Variants in CBLC observed in about 807,000 individuals in gnomAD.
CBLC encodes the protein Cbl proto-oncogene C.
A neutral mutation model predicts 58.6 loss-of-function variants in CBLC; 46 were observed. The observed-to-expected ratio is 0.79, with a 90% CI of 0.62 to 1.00. The LOEUF is 1.00. CBLC is among the 50% of genes least tolerant of loss of function. The pLI, the probability that CBLC is intolerant of heterozygous loss-of-function variation, is 0.00. For synonymous variants in CBLC, 271 were observed against 264.2 expected, an observed-to-expected ratio of 1.03 and a Z score of -0.25; for missense variants, 655 against 625.8, an observed-to-expected ratio of 1.05 and a Z score of -0.50.
chr19:44,783,597 C>A (rs1024022611), intron 4 of CBLC, among the ~76,000 whole-genome samples: 3 of 152,070 alleles, frequency 2.0e-5, no homozygotes, highest in Admixed American at 2.0e-4. Flanking sequence ...ACAAGAATCA[C>A]TTGAACTCGA....
intron 5 of CBLC, among the ~76,000 whole-genome samples, chr19:44,785,920 G>A (rs920595920): frequency 1.3e-5 from 2 of 152,058 alleles, no homozygotes; most frequent in Non-Finnish European, 1.5e-5. Flanking sequence ...GGGTGACAGA[G>A]CGAGACTCCA....
At chr19:44,790,740 A>T (rs1488113440) in intron 6 of CBLC, among the ~76,000 whole-genome samples, 3 of 151,982 alleles carry the variant, frequency 2.0e-5, no homozygotes, top group African/African-American at 7.2e-5. Context: ...CTGGCCCTAA[A>T]TTTTTTTTAG....
At chr19:44,797,598 G>A (rs181444205) in intron 9 of CBLC, among the ~76,000 whole-genome samples, 1,522 of 119,652 alleles carry the variant, frequency 0.013, 46 homozygotes, top group African/African-American at 0.047. Flanking sequence ...TTAAGATGGG[G>A]TCTCTGTCTA....
At chr19:44,799,099 C>G (rs988132382) in intron 9 of CBLC, among the ~76,000 whole-genome samples, 3 of 152,146 alleles carry the variant, frequency 2.0e-5, no homozygotes, top group Non-Finnish European at 4.4e-5. Flanking sequence ...CACTGCGAGC[C>G]TCGGGTTCAG....
At chr19:44,791,240 C>T (rs1377106599) in intron 6 of CBLC, among the ~76,000 whole-genome samples, 1 of 145,072 alleles carries the variant, frequency 6.9e-6, no homozygotes, top group African/African-American at 2.6e-5. Flanking sequence ...TGGGAGTTGG[C>T]GGTTGCAGTA....
chr19:44,794,405 C>T, intron 9 of CBLC, 124 bp downstream of exon 9: 1 of 698,964 alleles, frequency 1.4e-6, no homozygotes, highest in South Asian at 2.0e-5. Context: ...TTCCAAGGCA[C>T]CCATCCCCTC....
intron 6 of CBLC, among the ~76,000 whole-genome samples, chr19:44,790,643 C>T (rs1352561474): frequency 6.6e-6 from 1 of 151,982 alleles, no homozygotes. Context: ...GCCATGTTGC[C>T]CAAGCTGGTT....
rs1466739372 is a variant in CBLC, at chr19:44,778,451, G to T, written c.353+167G>T. Among the ~76,000 whole-genome samples, 138 of 26,274 alleles carry T rather than the reference G, an allele frequency of 5.3e-3. 1 individual carries two copies. Among genetic ancestry groups the T allele is most frequent in the African/African-American group, 0.021 (45 of 2,128 alleles). The allele number at this position is 26,274 out of a possible 152,430, so 17.2% of individuals were successfully genotyped here. A position where few individuals can be genotyped will look rare whatever the true frequency, so the allele number is the denominator to read the frequency against. ...CTCAGACTCAGGGCTCCAGCCCCCA[G>T]CCCCTCCTCCCTCAGACCCAGGGGT... On this transcript the variant is annotated intron_variant, in intron 1 of 10. Coordinates refer to ENST00000647358, the MANE Select transcript of CBLC (RefSeq NM_012116.4).
intron 9 of CBLC, among the ~76,000 whole-genome samples, chr19:44,799,634 T>G (rs1033638013): frequency 1.3e-5 from 2 of 151,782 alleles, no homozygotes; most frequent in Non-Finnish European, 2.9e-5. Context: ...GCGTGGCCCC[T>G]GTTTTTTCGG....
chr19:44,793,342 TCTCTC>T lies in CBLC; in HGVS notation c.1138-129_1138-125del, dbSNP rs971759307. The T allele has an allele frequency of 9.0e-6, 9 of 1,002,988 alleles. No individual in the cohort carries two copies. In the African/African-American group the frequency reaches 1.5e-4, roughly 17 times the overall value. 62.1% of individuals were successfully genotyped at this position (1,002,988 alleles called of 1,614,324 possible). On this transcript the variant is annotated intron_variant, in intron 7 of 10. Transcript: ENST00000647358. Reference sequence around the variant, plus strand: ...ACATTCCTCTGCTCTCCACGACTCTTCTCTCCTTCCGTCTCCCTTCCTCTGTCTGT... The same window carrying T: ...ACATTCCTCTGCTCTCCACGACTCTTCTTCCGTCTCCCTTCCTCTGTCTGT...
At position 44,790,004 on chromosome 19, in the gene CBLC, C is replaced by G; in HGVS notation, c.918C>G (p.Phe306Leu). ...GTCCCCCTCTCTTCCCTTCCCCCAG[C>G]TACCTCTACCCAGATGGAAAGACCC... ...QVLLEGQKDG[F>L]YLYPDGKTHN... The change falls in exon 6 of 11, where the codon TTC becomes TTG. Residue 306 changes from phenylalanine to leucine, a missense_variant and splice_region_variant. Phe to Leu is a conservative substitution (Grantham distance 22, BLOSUM62 0). Coordinates refer to ENST00000647358, the MANE Select transcript of CBLC (RefSeq NM_012116.4). 1 of 1,612,030 alleles carries G rather than the reference C, an allele frequency of 6.2e-7. No individual in the cohort carries two copies. The highest frequency in any genetic ancestry group is 8.5e-7 in the Non-Finnish European group (1 of 1,178,174).
intron 6 of CBLC, among the ~76,000 whole-genome samples, chr19:44,791,975 G>A (rs1331267911): frequency 6.6e-6 from 1 of 151,252 alleles, no homozygotes; most frequent in East Asian, 1.9e-4. Context: ...AGATAGAGGA[G>A]GTGTGGGATT....
chr19:44,784,206 C>G (rs1463109470), intron 4 of CBLC, 58 bp from the exon 5 acceptor site: 1 of 1,473,882 alleles, frequency 6.8e-7, no homozygotes, highest in African/African-American at 1.4e-5. Flanking sequence ...ACTGGAAGTT[C>G]ACAAAAGGGA....
At chr19:44,778,329 G>T in intron 1 of CBLC, 45 bp downstream of exon 1, 1 of 1,364,738 alleles carries the variant, frequency 7.3e-7, no homozygotes, top group Non-Finnish European at 9.4e-7. Context: ...TGAGGCCCAG[G>T]TCTTGCTCCC....
chr19:44,798,475 C>T (rs985935996), intron 9 of CBLC, among the ~76,000 whole-genome samples: 4 of 151,904 alleles, frequency 2.6e-5, no homozygotes, highest in African/African-American at 4.8e-5. Context: ...TTTGGGAGGC[C>T]GAGGTGGGCA....
intron 6 of CBLC, 145 bp from the exon 7 acceptor site, chr19:44,792,238 C>T: frequency 2.6e-6 from 2 of 768,204 alleles, no homozygotes; most frequent in Non-Finnish European, 4.2e-6. Flanking sequence ...AGATGATCCC[C>T]CTGCCTCAGC....
intron 5 of CBLC, among the ~76,000 whole-genome samples, chr19:44,787,042 G>T (rs139653078): frequency 6.6e-6 from 1 of 152,054 alleles, no homozygotes; most frequent in African/African-American, 2.4e-5. Context: ...CCAAGATCAC[G>T]CCTCTGCATT....
In CBLC at chr19:44,794,200, C is replaced by CT. The variant is rs1968129928; in HGVS notation, c.1285-4_1285-3insT. 1 of 1,607,146 alleles carries CT rather than the reference C, an allele frequency of 6.2e-7. No homozygotes were observed. The highest frequency in any genetic ancestry group is 1.3e-5 in the African/African-American group (1 of 74,178). On this transcript the variant is annotated splice_polypyrimidine_tract_variant and splice_region_variant and intron_variant, in intron 8 of 10. Coordinates refer to ENST00000647358, the MANE Select transcript of CBLC (RefSeq NM_012116.4). ...CCCCTTCTCCTTCCTCTGTCCCACC[C>CT]CAGGTGCCCCTTTCGGCTCCTCCAT... is the stretch of plus-strand genomic sequence containing the variant.
In CBLC at chr19:44,792,376, C is replaced by T; in HGVS notation, c.1006-7C>T. 3 of 1,613,272 alleles carry T rather than the reference C, an allele frequency of 1.9e-6. No homozygotes were observed. The highest frequency in any genetic ancestry group is 2.5e-6 in the Non-Finnish European group (3 of 1,179,884). On this transcript the variant is annotated splice_region_variant and splice_polypyrimidine_tract_variant and intron_variant, in intron 6 of 10. Transcript: ENST00000647358. ...CTCGCTGTCTTCTCTATCCTCTCACCTGCCAGGAGCAGCTGCAGCTCTACT... is the reference window on the plus strand; with the variant it reads ...CTCGCTGTCTTCTCTATCCTCTCACTTGCCAGGAGCAGCTGCAGCTCTACT...
Sources: allele counts gnomAD v4.1 joint callset (sites outside exome capture counted in the v4.1 genomes callset), GRCh38; gene constraint gnomAD v4.1.1; transcripts MANE v1.5; gene names NCBI Gene and HGNC (gene_info 2026-07-23, HGNC 2026-07-21).